Variants in MALL observed in about 807,000 individuals in gnomAD.
The protein encoded by MALL is MAL-like protein.
In MALL, 2 loss-of-function variants were observed where a neutral mutation model predicts 10.3. The observed-to-expected ratio is 0.19, with a 90% CI of 0.08 to 0.61. The LOEUF (loss-of-function observed/expected upper bound fraction) is 0.61. MALL is among the 20% of genes least tolerant of loss of function. The probability of loss-of-function intolerance (pLI) is 0.88; values close to 1 mark genes in which losing one functional copy is unlikely to be tolerated. For synonymous variants in MALL, 27 were observed against 51.8 expected, an observed-to-expected ratio of 0.52 and a Z score of 2.05; for missense variants, 39 against 115.2, an observed-to-expected ratio of 0.34 and a Z score of 3.03.
chr2:110,097,480 G>A (rs1277020175), intron 1 of MALL: 2 of 456,648 alleles, frequency 4.4e-6, no homozygotes, highest in Non-Finnish European at 8.8e-6. Flanking sequence ...TGGCCTTTGG[G>A]TAGAGTGGAT....
At position 110,114,608 on chromosome 2, in the gene MALL, T is replaced by A. The variant is rs17842652; in HGVS notation, c.105+1080A>T. On this transcript the variant is annotated intron_variant, in intron 1 of 3. Coordinates refer to ENST00000272462, the MANE Select transcript of MALL (RefSeq NM_005434.5). ...GTTTCAGCTGGAGCCACTCAGATCCTAGGCCCACCCTGCCTGATTCTCTTT... is the reference window on the plus strand; with the variant it reads ...GTTTCAGCTGGAGCCACTCAGATCCAAGGCCCACCCTGCCTGATTCTCTTT... Among the ~76,000 whole-genome samples, 1,364 of 151,722 alleles carry A rather than the reference T, an allele frequency of 9.0e-3. 21 individuals are homozygous for A. Among genetic ancestry groups the A allele is most frequent in the African/African-American group, 0.032 (1,307 of 41,386 alleles).
At chr2:110,097,220 T>C (rs1678463152) in intron 1 of MALL, among the ~76,000 whole-genome samples, 1 of 151,968 alleles carries the variant, frequency 6.6e-6, no homozygotes. Context: ...AAAATGCATG[T>C]GCGAGTGTCT....
chr2:110,105,798 G>T (rs1678674463), intron 1 of MALL, among the ~76,000 whole-genome samples: 1 of 152,108 alleles, frequency 6.6e-6, no homozygotes, highest in Non-Finnish European at 1.5e-5. Flanking sequence ...TCTTCTCCCA[G>T]CCCCACCCAT....
chr2:110,114,002 C>T (rs1678858211), intron 1 of MALL, among the ~76,000 whole-genome samples: 1 of 152,062 alleles, frequency 6.6e-6, no homozygotes, highest in African/African-American at 2.4e-5. Flanking sequence ...CGTAAGGCCC[C>T]AGAGCCCAAC....
chr2:110,100,406 G>A (rs1326315316), intron 1 of MALL, among the ~76,000 whole-genome samples: 2 of 151,942 alleles, frequency 1.3e-5, no homozygotes, highest in Non-Finnish European at 2.9e-5. Flanking sequence ...TCGGGAGTTC[G>A]AGGCTGCAGT....
intron 1 of MALL, among the ~76,000 whole-genome samples, chr2:110,099,025 C>T (rs1197648557): frequency 6.6e-6 from 1 of 151,964 alleles, no homozygotes; most frequent in Non-Finnish European, 1.5e-5. Flanking sequence ...ACAAGGCCTA[C>T]CCTAGGGCTG....
chr2:110,097,546 G>T (rs2004273), intron 1 of MALL: 390,353 of 456,224 alleles, frequency 0.86, 173,237 homozygotes, highest in Non-Finnish European at 0.93. Context: ...AGGGGCTGCT[G>T]CAGGGGCCGG....
intron 1 of MALL, among the ~76,000 whole-genome samples, chr2:110,114,714 G>A (rs565320767): frequency 6.0e-4 from 90 of 151,184 alleles, no homozygotes; most frequent in Non-Finnish European, 1.1e-3. Flanking sequence ...AGCAGAAGAC[G>A]AGAATGAGAA....
At chr2:110,117,820 T>TAAAC (rs767542176), upstream of MALL, among the ~76,000 whole-genome samples, 75 of 152,126 alleles carry the variant, frequency 4.9e-4, no homozygotes, top group African/African-American at 1.4e-3. Context: ...AAGGAAAGAA[T>TAAAC]AAACAAACAA....
chr2:110,110,733 C>T (rs1678786634), intron 1 of MALL, among the ~76,000 whole-genome samples: 2 of 152,020 alleles, frequency 1.3e-5, no homozygotes, highest in African/African-American at 4.8e-5. Flanking sequence ...CCAGCATCAC[C>T]CTAATATCAA....
chr2:110,111,764 C>T (rs532305459), intron 1 of MALL, among the ~76,000 whole-genome samples: 2 of 151,980 alleles, frequency 1.3e-5, no homozygotes, highest in East Asian at 3.9e-4. Flanking sequence ...AAAAAGAGCC[C>T]ACATAACCAA....
intron 1 of MALL, among the ~76,000 whole-genome samples, chr2:110,112,731 C>T (rs901026174): frequency 2.0e-5 from 3 of 151,920 alleles, no homozygotes; most frequent in Non-Finnish European, 4.4e-5. Context: ...TCACACTACT[C>T]AGTATCAATC....
intron 1 of MALL, chr2:110,097,451 T>C (rs1355836274): frequency 4.4e-6 from 2 of 456,202 alleles, no homozygotes; most frequent in Admixed American, 2.4e-5. Flanking sequence ...GAATTCTGAA[T>C]GGGAAGAGAT....
chr2:110,100,189 C>T (rs1294080131), intron 1 of MALL, among the ~76,000 whole-genome samples: 1 of 152,096 alleles, frequency 6.6e-6, no homozygotes, highest in East Asian at 1.9e-4. Flanking sequence ...GCATTAAGAA[C>T]TGAAGCCAAC....
At chr2:110,110,829 A>T (rs889821914) in intron 1 of MALL, among the ~76,000 whole-genome samples, 28 of 152,124 alleles carry the variant, frequency 1.8e-4, no homozygotes, top group Admixed American at 1.8e-3. Flanking sequence ...ACAAAATACT[A>T]GCTAACTGAA....
At chr2:110,101,815 C>A (rs1678569510) in intron 1 of MALL, among the ~76,000 whole-genome samples, 1 of 152,132 alleles carries the variant, frequency 6.6e-6, no homozygotes, top group Non-Finnish European at 1.5e-5. Flanking sequence ...AAGTCTAAAG[C>A]CCTTTTCCTT....
rs575479716 is a variant in MALL at position 110,107,046 on chromosome 2, T to C, written c.105+8642A>G. On this transcript the variant is annotated intron_variant, in intron 1 of 3. Transcript: ENST00000272462. Reference sequence around the variant, plus strand: ...ATTGTAGGAATGAAATTTGTGGTTTTCAGGGGTTTGTTCAGGAGGGGGTGA... The same window carrying C: ...ATTGTAGGAATGAAATTTGTGGTTTCCAGGGGTTTGTTCAGGAGGGGGTGA... Among the ~76,000 whole-genome samples, 4 of 115,680 alleles carry C rather than the reference T, an allele frequency of 3.5e-5. No individual in the cohort carries two copies. In the East Asian group the frequency reaches 1.0e-3, roughly 29 times the overall value. 75.9% of individuals were successfully genotyped at this position (115,680 alleles called of 152,430 possible). A position where few individuals can be genotyped will look rare whatever the true frequency, so the allele number is the denominator to read the frequency against.
rs372455620 is a variant in MALL, at chr2:110,115,668, G to C, written c.105+20C>G. On this transcript the variant is annotated intron_variant, in intron 1 of 3. Transcript: ENST00000272462. ...CCCTCCCTCTCTGCAGGTGGCCCGG[G>C]TCGGGGGTGCCGCACTCACCAGCTC... The C allele has an allele frequency of 3.2e-6, 4 of 1,253,972 alleles. No individual in the cohort carries two copies. In the South Asian group the frequency reaches 1.5e-4, roughly 47 times the overall value. 77.7% of individuals were successfully genotyped at this position (1,253,972 alleles called of 1,614,324 possible).
At chr2:110,097,051 T>C (rs1391135303) in intron 1 of MALL, among the ~76,000 whole-genome samples, 1 of 147,392 alleles carries the variant, frequency 6.8e-6, no homozygotes, top group Non-Finnish European at 1.5e-5. Context: ...ATCAATTATG[T>C]CTGCAAAGTG....
Sources: allele counts gnomAD v4.1 joint callset (sites outside exome capture counted in the v4.1 genomes callset), GRCh38; gene constraint gnomAD v4.1.1; transcripts MANE v1.5; gene names NCBI Gene and HGNC (gene_info 2026-07-23, HGNC 2026-07-21).